The following TNFRSF10B variants were observed in gnomAD, a reference collection of about 807,000 sequenced individuals.
The protein encoded by TNFRSF10B is TNF receptor superfamily member 10b.
A neutral mutation model predicts 41.4 loss-of-function variants in TNFRSF10B; 35 were observed. The ratio of observed to expected loss-of-function variants is 0.85; its 90% confidence interval spans 0.65 to 1.12. The LOEUF (loss-of-function observed/expected upper bound fraction) is 1.12. Among genes scored for constraint, TNFRSF10B ranks in the 50% most tolerant of loss-of-function variants. The pLI is 0.00. For synonymous variants in TNFRSF10B, 230 were observed against 215.5 expected (o/e 1.07, Z -0.59); for missense variants, 584 against 552.7 (o/e 1.06, Z -0.57).
intron 7 of TNFRSF10B, among the ~76,000 whole-genome samples, chr8:23,025,651 A>T (rs1401694403): frequency 6.6e-6 from 1 of 152,234 alleles, no homozygotes; most frequent in East Asian, 1.9e-4. Context: ...GCAAAGAATC[A>T]CAAGAAATTA....
rs537022684 is a variant in TNFRSF10B, at chr8:23,020,489, C to G, written c.*2182G>C. 2.6e-5 allele frequency: 12 copies of G among 453,090 alleles called. No individual in the cohort carries two copies. Among genetic ancestry groups the G allele is most frequent in the Non-Finnish European group, 5.3e-5 (12 of 226,160 alleles). 28.1% of individuals were successfully genotyped at this position (453,090 alleles called of 1,614,324 possible). The stretch of plus-strand genomic sequence containing the variant: ...GGTGGATCACCTGAGGTCAGGAGTT[C>G]GAGACCAGCCTGACCAACATGGTGA... On this transcript the variant is annotated 3_prime_UTR_variant, in exon 9 of 9. Coordinates refer to ENST00000276431, the MANE Select transcript of TNFRSF10B (RefSeq NM_003842.5).
intron 2 of TNFRSF10B, 177 bp downstream of exon 2, chr8:23,042,961 A>C (rs1812248376): frequency 1.7e-6 from 1 of 590,236 alleles, no homozygotes; most frequent in African/African-American, 1.9e-5. Context: ...TGTCTCATTC[A>C]TTTGTGTGTC....
intron 1 of TNFRSF10B, among the ~76,000 whole-genome samples, chr8:23,063,717 G>A (rs1190394622): frequency 6.6e-6 from 1 of 152,158 alleles, no homozygotes; most frequent in East Asian, 1.9e-4. Context: ...CATCCCGAAT[G>A]CTGTCCAGGC....
At chr8:23,063,346 C>CCA (rs11427069) in intron 1 of TNFRSF10B, among the ~76,000 whole-genome samples, 1 of 128,824 alleles carries the variant, frequency 7.8e-6, no homozygotes. Flanking sequence ...GAAACTGTCT[C>CCA]AAAAAAAAAA....
chr8:23,023,928 C>A (rs534376578), intron 8 of TNFRSF10B, among the ~76,000 whole-genome samples: 21 of 152,212 alleles, frequency 1.4e-4, no homozygotes, highest in Non-Finnish European at 2.9e-4. Context: ...GGGGCTACAT[C>A]AGGCCCTGAA....
Position 23,021,991 on chromosome 8 carries a change from G to C in TNFRSF10B, c.*680C>G. On this transcript the variant is annotated 3_prime_UTR_variant, in exon 9 of 9. Coordinates refer to ENST00000276431, the MANE Select transcript of TNFRSF10B (RefSeq NM_003842.5). ...TAGAAAGGTAAGGCCAAGCATGGGG[G>C]CTCACGCCTCTAATTCCACCGCTTT... The C allele has an allele frequency of 4.4e-6, 2 of 451,824 alleles. No individual in the cohort carries two copies. Among genetic ancestry groups the C allele is most frequent in the African/African-American group, 2.0e-5 (1 of 49,910 alleles). The allele number at this position is 451,824 out of a possible 1,614,324, so 28.0% of individuals were successfully genotyped here. A position where few individuals can be genotyped will look rare whatever the true frequency, so the allele number is the denominator to read the frequency against.
chr8:23,068,852 G>A lies in TNFRSF10B; in HGVS notation c.43C>T (p.Arg15Trp), dbSNP rs550701314. Residue 15 changes from arginine to tryptophan, a missense_variant, in exon 1 of 9, where the codon CGG (arginine) becomes TGG (tryptophan). Arg to Trp is a moderately radical substitution (Grantham distance 101). Transcript: ENST00000276431. Reference protein sequence around the residue: ...GQNAPAASGARKRHGPGPREA... With the variant: ...GQNAPAASGAWKRHGPGPREA... The stretch of plus-strand genomic sequence containing the variant: ...CTGGGTCCTGGGCCGTGCCTTTTCC[G>A]GGCCCCCGAAGCGGCCGGGGCGTTC... 1.2e-6 allele frequency: 2 copies of A among 1,613,360 alleles called. No individual in the cohort carries two copies. The highest frequency in any genetic ancestry group is 2.2e-5 in the South Asian group (2 of 91,068).
intron 2 of TNFRSF10B, among the ~76,000 whole-genome samples, chr8:23,031,934 C>T (rs1448636535): frequency 5.2e-5 from 7 of 135,648 alleles, no homozygotes; most frequent in Non-Finnish European, 1.1e-4. Context: ...TTTTTTGAGA[C>T]GGAGTCTTGC....
At chr8:23,055,521 T>TTAA (rs1554510887) in intron 1 of TNFRSF10B, among the ~76,000 whole-genome samples, 17 of 120,548 alleles carry the variant, frequency 1.4e-4, no homozygotes, top group South Asian at 2.8e-4. Flanking sequence ...ATTAAATGCT[T>TTAA]AAAAAAAAAA....
chr8:23,039,145 A>G (rs1244740424), intron 2 of TNFRSF10B, among the ~76,000 whole-genome samples: 22 of 151,804 alleles, frequency 1.4e-4, no homozygotes, highest in African/African-American at 4.8e-5. Context: ...GGAGTTCACA[A>G]TAGGGTTCAC....
intron 1 of TNFRSF10B, chr8:23,049,732 C>T (rs1812465174): frequency 6.6e-6 from 1 of 152,174 alleles, no homozygotes; most frequent in Non-Finnish European, 1.5e-5. Context: ...AAACTCTCTT[C>T]CTCCCCAGTT....
intron 7 of TNFRSF10B, among the ~76,000 whole-genome samples, chr8:23,025,380 T>C (rs936942537): frequency 6.6e-6 from 1 of 152,214 alleles, no homozygotes. Flanking sequence ...AACCATGTAT[T>C]AATTTAAATT....
chr8:23,031,616 A>G (rs1293734038), intron 2 of TNFRSF10B, among the ~76,000 whole-genome samples: 1 of 151,912 alleles, frequency 6.6e-6, no homozygotes, highest in Non-Finnish European at 1.5e-5. Context: ...GCTGGTCTCA[A>G]ACTCCTGGGC....
At chr8:23,043,387 A>T (rs1812264606) in intron 1 of TNFRSF10B, 144 bp from the exon 2 acceptor site, 2 of 665,480 alleles carry the variant, frequency 3.0e-6, no homozygotes, top group Admixed American at 4.9e-5. Flanking sequence ...AACATCCTTT[A>T]GTGTTTGTTT....
intron 8 of TNFRSF10B, among the ~76,000 whole-genome samples, chr8:23,023,354 G>T (rs879297651): frequency 6.6e-6 from 1 of 152,182 alleles, no homozygotes; most frequent in African/African-American, 2.4e-5. Context: ...CCTGGGCTGC[G>T]CTTGTCATGG....
At chr8:23,023,478 GT>G (rs199606166) in intron 8 of TNFRSF10B, among the ~76,000 whole-genome samples, 1,632 of 152,122 alleles carry the variant, frequency 0.011, 25 homozygotes, top group African/African-American at 0.038. Flanking sequence ...GCAGAGCTAG[GT>G]GGAGGCAAAC....
At chr8:23,037,340 C>G (rs997127229) in intron 2 of TNFRSF10B, among the ~76,000 whole-genome samples, 35 of 152,264 alleles carry the variant, frequency 2.3e-4, no homozygotes, top group African/African-American at 7.9e-4. Context: ...CAGCAGAGTC[C>G]AACACTGAGT....
intron 1 of TNFRSF10B, among the ~76,000 whole-genome samples, chr8:23,058,491 C>CT (rs113413155): frequency 0.34 from 49,589 of 145,322 alleles, 9,074 homozygotes; most frequent in East Asian, 0.64. Flanking sequence ...TGTGTATTGG[C>CT]TTTTTTTTTT....
Position 23,022,290 on chromosome 8 carries a change from A to G in TNFRSF10B, c.*381T>C, listed in dbSNP as rs1036331352. ...CACCCAAAAAAGGTTCATATCATAT[A>G]GTATCAAGTGAAGTCGGACAACGAC... On this transcript the variant is annotated 3_prime_UTR_variant, in exon 9 of 9. Coordinates refer to ENST00000276431, the MANE Select transcript of TNFRSF10B (RefSeq NM_003842.5). 6.6e-6 allele frequency: 3 copies of G among 456,414 alleles called. No homozygotes were observed. The highest frequency in any genetic ancestry group is 6.0e-5 in the African/African-American group (3 of 50,096). The allele number at this position is 456,414 out of a possible 1,614,324, so 28.3% of individuals were successfully genotyped here.
Sources: allele counts gnomAD v4.1 joint callset (sites outside exome capture counted in the v4.1 genomes callset), GRCh38; gene constraint gnomAD v4.1.1; transcripts MANE v1.5; gene names NCBI Gene and HGNC (gene_info 2026-07-23, HGNC 2026-07-21).